Variants in EYA4 observed in about 807,000 individuals in gnomAD.
EYA4 encodes the protein protein phosphatase EYA4.
A neutral mutation model predicts 87.9 loss-of-function variants in EYA4; 31 were observed. The ratio of observed to expected loss-of-function variants is 0.35; its 90% CI spans 0.27 to 0.48. EYA4 has a LOEUF of 0.48. Among genes scored for constraint, EYA4 ranks in the 20% least tolerant of loss-of-function variants. EYA4 has a pLI of 0.99. For synonymous variants in EYA4, 263 were observed against 270.6 expected (o/e 0.97, Z 0.28); for missense variants, 678 against 761.4 (o/e 0.89, Z 1.29).
In EYA4 at chr6:133,418,993, A is replaced by G. The variant is rs149786783; in HGVS notation, c.84-27637A>G. Among the ~76,000 whole-genome samples, 665 of 152,284 alleles carry G rather than the reference A, an allele frequency of 4.4e-3. 5 individuals are homozygous for G. The highest frequency in any genetic ancestry group is 5.3e-3 in the Non-Finnish European group (358 of 68,010). ...TTTCTGGGCCACTGTTATATTGTCT[A>G]ATAATATCCACTCATAGGACATAGG... On this transcript the variant is annotated intron_variant, in intron 3 of 19. Transcript: ENST00000355286.
intron 19 of EYA4, among the ~76,000 whole-genome samples, chr6:133,527,583 A>G (rs369010095): frequency 6.6e-5 from 10 of 152,280 alleles, no homozygotes; most frequent in East Asian, 3.9e-4. Context: ...TCATGTTTAC[A>G]TTCTTTTTTG....
chr6:133,463,870 T>C (rs1794625740), intron 9 of EYA4, among the ~76,000 whole-genome samples: 1 of 152,168 alleles, frequency 6.6e-6, no homozygotes, highest in South Asian at 2.1e-4. Flanking sequence ...AGCAGTGCTC[T>C]TTTTTACCTA....
intron 6 of EYA4, among the ~76,000 whole-genome samples, chr6:133,460,034 A>AT (rs1794242058): frequency 6.6e-6 from 1 of 152,126 alleles, no homozygotes; most frequent in South Asian, 2.1e-4. Context: ...ATATATATAG[A>AT]AATATATCAT....
At chr6:133,422,040 A>G (rs149323871) in intron 3 of EYA4, among the ~76,000 whole-genome samples, 32 of 152,334 alleles carry the variant, frequency 2.1e-4, no homozygotes, top group Non-Finnish European at 4.0e-4. Flanking sequence ...AGGGAATACA[A>G]TTATTAATTT....
intron 11 of EYA4, among the ~76,000 whole-genome samples, chr6:133,479,801 T>G (rs1013948344): frequency 6.6e-6 from 1 of 152,220 alleles, no homozygotes; most frequent in African/African-American, 2.4e-5. Context: ...TGTACTCATA[T>G]AGTAATTCTG....
chr6:133,256,229 C>T (rs1241677771), intron 1 of EYA4, among the ~76,000 whole-genome samples: 1 of 151,048 alleles, frequency 6.6e-6, no homozygotes, highest in East Asian at 1.9e-4. Context: ...TAATTAGTTT[C>T]TCACTTAAGA....
chr6:133,240,843 T>C (rs536797138), upstream of EYA4: 2 of 152,474 alleles, frequency 1.3e-5, no homozygotes, highest in Non-Finnish European at 2.9e-5. Context: ...TTGGGGTAAG[T>C]GGAAAGGAGT....
Position 133,294,062 on chromosome 6 carries a change from T to TATATATAA in EYA4, c.33+19250_33+19251insTATATAAA, listed in dbSNP as rs71003632. Among the ~76,000 whole-genome samples, 27 of 105,154 alleles carry TATATATAA rather than the reference T, an allele frequency of 2.6e-4. 1 individual carries two copies. The highest frequency in any genetic ancestry group is 8.2e-4 in the African/African-American group (24 of 29,382). 69.0% of individuals were successfully genotyped at this position (105,154 alleles called of 152,430 possible). A position where few individuals can be genotyped will look rare whatever the true frequency, so the allele number is the denominator to read the frequency against. On this transcript the variant is annotated intron_variant, in intron 2 of 19. Coordinates refer to ENST00000355286, the MANE Select transcript of EYA4 (RefSeq NM_004100.5). ...ATATATATATATATATATATATATATAATTCTATTCTATATATAACATTCT... is the reference window on the plus strand; with the variant it reads ...ATATATATATATATATATATATATATATATATAAAATTCTATTCTATATATAACATTCT...
chr6:133,404,419 T>C (rs1370760568), intron 3 of EYA4, among the ~76,000 whole-genome samples: 1 of 152,200 alleles, frequency 6.6e-6, no homozygotes, highest in Non-Finnish European at 1.5e-5. Flanking sequence ...GGAAAGACAA[T>C]ACCTCCTCTT....
rs572711165 is a variant in EYA4, at chr6:133,421,152, A to G, written c.84-25478A>G. ...CCTCATTATGCAAGAGGTCAGAGTG[A>G]GATGTGAGGTGTCTACCTTTCTCTC... On this transcript the variant is annotated intron_variant, in intron 3 of 19. Coordinates refer to ENST00000355286, the MANE Select transcript of EYA4 (RefSeq NM_004100.5). Among the ~76,000 whole-genome samples the G allele has an allele frequency of 4.6e-5, 7 of 152,300 alleles. No individual in the cohort carries two copies. In the East Asian group the frequency reaches 5.8e-4, roughly 13 times the overall value.
In EYA4 at chr6:133,344,887, TATC is replaced by T. The variant is rs1783078416; in HGVS notation, c.34-37500_34-37498del. ...ATATAATAATTACTCCATATATCAA[TATC>T]ATCAGAACTGAGAAACTTATTAGCT... On this transcript the variant is annotated intron_variant, in intron 2 of 19. Coordinates refer to ENST00000355286, the MANE Select transcript of EYA4 (RefSeq NM_004100.5). 2.6e-5 allele frequency among the ~76,000 whole-genome samples: 4 copies of T among 152,244 alleles called. No individual in the cohort carries two copies. The South Asian group carries it at 8.3e-4, about 32-fold the overall frequency.
rs1221439195 is a variant in EYA4 at position 133,446,662 on chromosome 6, A to G, written c.116A>G (p.His39Arg). The change falls in exon 4 of 20, where the codon CAT becomes CGT. Residue 39 changes from histidine (H) to arginine (R), a missense_variant. Coordinates refer to ENST00000355286, the MANE Select transcript of EYA4 (RefSeq NM_004100.5). ...GAAATGCAGGACCTAGCAAGTCCTC[A>G]TACTCTTGTTGGAGGTGGTGATACT... is the stretch of plus-strand genomic sequence containing the variant. ...SMEMQDLASP[H>R]TLVGGGDTPG... 3 of 1,613,680 alleles carry G rather than the reference A, an allele frequency of 1.9e-6. No individual in the cohort carries two copies. Among genetic ancestry groups the G allele is most frequent in the African/African-American group, 2.7e-5 (2 of 74,926 alleles).
intron 11 of EYA4, 61 bp from the exon 12 acceptor site, chr6:133,481,402 A>G (rs1583410564): frequency 1.4e-6 from 2 of 1,478,938 alleles, no homozygotes; most frequent in East Asian, 4.5e-5. Context: ...ATTAATAATG[A>G]AGACTCATAC....
chr6:133,492,249 G>A (rs1032565492), intron 13 of EYA4, among the ~76,000 whole-genome samples: 1 of 152,132 alleles, frequency 6.6e-6, no homozygotes, highest in Non-Finnish European at 1.5e-5. Context: ...ACATTGAAAA[G>A]ATAATTCATC....
intron 2 of EYA4, among the ~76,000 whole-genome samples, chr6:133,308,659 C>T (rs1266534412): frequency 2.0e-5 from 3 of 152,088 alleles, no homozygotes; most frequent in South Asian, 2.1e-4. Flanking sequence ...TTATGAGATG[C>T]GGTATTTGGT....
chr6:133,324,051 C>T (rs1781304498), intron 2 of EYA4, among the ~76,000 whole-genome samples: 1 of 152,064 alleles, frequency 6.6e-6, no homozygotes, highest in East Asian at 1.9e-4. Flanking sequence ...TTGATTTCTT[C>T]TTCTTTGGAA....
intron 14 of EYA4, among the ~76,000 whole-genome samples, chr6:133,510,893 T>C (rs994656809): frequency 7.2e-5 from 11 of 152,178 alleles, no homozygotes; most frequent in Admixed American, 5.9e-4. Flanking sequence ...TAAGAAAGAA[T>C]TGTGGAGTGA....
intron 3 of EYA4, among the ~76,000 whole-genome samples, chr6:133,395,625 G>C (rs212807): frequency 0.72 from 109,072 of 152,010 alleles, 41,963 homozygotes; most frequent in East Asian, 0.91. Context: ...GCCAGGCGTG[G>C]TGTTGCGTGC....
intron 17 of EYA4, among the ~76,000 whole-genome samples, chr6:133,522,389 T>G (rs1320020078): frequency 6.6e-6 from 1 of 151,798 alleles, no homozygotes; most frequent in Non-Finnish European, 1.5e-5. Flanking sequence ...CTACATTGTT[T>G]TGTTGGGAGA....
Sources: gnomAD v4.1 joint callset for allele counts (sites outside exome capture counted in the v4.1 genomes callset) on GRCh38, gnomAD v4.1.1 for gene constraint, MANE v1.5 for transcripts, NCBI Gene and HGNC (gene_info 2026-07-23, HGNC 2026-07-21) for gene names.